MAP2K5: variants seen among roughly 807,000 people sequenced by gnomAD.
The protein encoded by MAP2K5 is dual specificity mitogen-activated protein kinase kinase 5.
A neutral mutation model predicts 83.1 loss-of-function variants in MAP2K5; 49 were observed. The ratio of observed to expected loss-of-function variants is 0.59; its 90% CI spans 0.47 to 0.75. The LOEUF (loss-of-function observed/expected upper bound fraction) is 0.75. MAP2K5 is among the 30% of genes least tolerant of loss of function. The pLI, the probability that MAP2K5 is intolerant of heterozygous loss-of-function variation, is 0.00. For missense variants in MAP2K5, 457 were observed against 557.5 expected (o/e 0.82, Z 1.82); for synonymous variants, 202 against 191.8 (o/e 1.05, Z -0.44).
intron 21 of MAP2K5, among the ~76,000 whole-genome samples, chr15:67,798,167 C>T (rs571093171): frequency 1.3e-5 from 2 of 152,340 alleles, no homozygotes; most frequent in Admixed American, 1.3e-4. Flanking sequence ...GCAGACTCCA[C>T]CTTTCAGGGG....
intron 16 of MAP2K5, 62 bp downstream of exon 16, chr15:67,703,470 A>C (rs942989669): frequency 4.4e-6 from 6 of 1,352,766 alleles, no homozygotes; most frequent in Non-Finnish European, 6.3e-6. Context: ...AATCAGGAAA[A>C]GTGAAGATTT....
intron 17 of MAP2K5, among the ~76,000 whole-genome samples, chr15:67,729,713 G>A (rs1278877399): frequency 1.3e-5 from 2 of 152,038 alleles, no homozygotes; most frequent in East Asian, 1.9e-4. Context: ...GCAGTGAGCC[G>A]AGATCACGCC....
rs2084336707 is a variant in MAP2K5, at chr15:67,543,495, A to C, written c.135+25A>C. On this transcript the variant is annotated intron_variant, in intron 1 of 21. Coordinates refer to ENST00000178640, the MANE Select transcript of MAP2K5 (RefSeq NM_145160.3). The surrounding 1 kb of genome is among the most constrained non-coding windows in gnomAD (Gnocchi z 4.3). Reference sequence around the variant, plus strand: ...GGTGAGTGGTAATCTCAGTGTCCGGATGCCAGCAAGGGGGACTCAGGGACT... The same window carrying C: ...GGTGAGTGGTAATCTCAGTGTCCGGCTGCCAGCAAGGGGGACTCAGGGACT... 1.2e-6 allele frequency: 2 copies of C among 1,613,798 alleles called. No homozygotes were observed.
intron 15 of MAP2K5, among the ~76,000 whole-genome samples, chr15:67,697,248 A>T (rs1332436320): frequency 1.3e-5 from 2 of 152,228 alleles, no homozygotes; most frequent in Non-Finnish European, 2.9e-5. Context: ...TGATAATAAC[A>T]TCAGTAATAA....
At chr15:67,678,919 G>C (rs2087744728) in intron 13 of MAP2K5, among the ~76,000 whole-genome samples, 1 of 140,334 alleles carries the variant, frequency 7.1e-6, no homozygotes, top group African/African-American at 2.6e-5. Flanking sequence ...AGGTGAGATC[G>C]TGCCACTGCA....
chr15:67,745,503 A>G (rs1320228402), intron 17 of MAP2K5, among the ~76,000 whole-genome samples: 3 of 152,242 alleles, frequency 2.0e-5, no homozygotes, highest in Non-Finnish European at 4.4e-5. Context: ...TGCTGTGCCT[A>G]TACAGTAATG....
intron 9 of MAP2K5, among the ~76,000 whole-genome samples, chr15:67,634,822 G>A (rs1191089926): frequency 1.3e-5 from 2 of 151,704 alleles, no homozygotes; most frequent in Admixed American, 6.6e-5. Flanking sequence ...TTTCATGTAG[G>A]CAGCATACAG....
chr15:67,545,990 C>G (rs535507871), intron 1 of MAP2K5, among the ~76,000 whole-genome samples: 3 of 152,314 alleles, frequency 2.0e-5, no homozygotes. Context: ...ACGAGTGGCC[C>G]CACCACTAGA....
chr15:67,613,965 A>C (rs975524605), intron 8 of MAP2K5, among the ~76,000 whole-genome samples: 2 of 152,072 alleles, frequency 1.3e-5, no homozygotes, highest in South Asian at 2.1e-4. Context: ...AGTTAATGCA[A>C]CTCTGAAAAG....
chr15:67,726,923 G>T (rs1225924535), intron 16 of MAP2K5, among the ~76,000 whole-genome samples: 1 of 152,152 alleles, frequency 6.6e-6, no homozygotes, highest in African/African-American at 2.4e-5. Context: ...TTTTGGCCAG[G>T]TTCAATGGCT....
At position 67,782,795 on chromosome 15, in the gene MAP2K5, C is replaced by G. The variant is rs1814839844; in HGVS notation, c.1242+10043C>G. Reference sequence around the variant, plus strand: ...CCTGGAATGCTGGTTTATGCAGGGCCTGTGGCACCAGCTCTGGACTGGAAA... The same window carrying G: ...CCTGGAATGCTGGTTTATGCAGGGCGTGTGGCACCAGCTCTGGACTGGAAA... On this transcript the variant is annotated intron_variant, in intron 21 of 21. Transcript: ENST00000178640. The surrounding 1 kb of genome is among the most constrained non-coding windows in gnomAD (Gnocchi z 4.9). Among the ~76,000 whole-genome samples the G allele has an allele frequency of 2.6e-5, 4 of 152,326 alleles. No individual in the cohort carries two copies. In the South Asian group the frequency reaches 8.3e-4, roughly 32 times the overall value.
intron 15 of MAP2K5, among the ~76,000 whole-genome samples, chr15:67,694,793 T>G (rs2088205751): frequency 1.3e-5 from 2 of 152,022 alleles, no homozygotes; most frequent in African/African-American, 4.8e-5. Flanking sequence ...CATGCTGCTA[T>G]AAAGACACAT....
At chr15:67,614,194 A>C (rs1483462063) in intron 8 of MAP2K5, among the ~76,000 whole-genome samples, 13 of 152,176 alleles carry the variant, frequency 8.5e-5, no homozygotes. Flanking sequence ...CAGTAACCTC[A>C]CCAAGCCTTG....
chr15:67,557,868 G>A (rs371491036), intron 2 of MAP2K5, among the ~76,000 whole-genome samples: 74 of 152,238 alleles, frequency 4.9e-4, no homozygotes, highest in African/African-American at 1.8e-3. Flanking sequence ...TATTGTATAT[G>A]TAAAAATATA....
Position 67,786,018 on chromosome 15 carries a change from GTTT to G in MAP2K5, c.1242+13277_1242+13279del, listed in dbSNP as rs5813456. 1.4e-5 allele frequency among the ~76,000 whole-genome samples: 2 copies of G among 146,858 alleles called. No homozygotes were observed. ...ACAGGGGGCTTTTAGCTGTTAGGTTGTTTTTTTTTTTTTAACTTACAGAAGATG... is the reference window on the plus strand; with the variant it reads ...ACAGGGGGCTTTTAGCTGTTAGGTTGTTTTTTTTTTAACTTACAGAAGATG... On this transcript the variant is annotated intron_variant, in intron 21 of 21. Coordinates refer to ENST00000178640, the MANE Select transcript of MAP2K5 (RefSeq NM_145160.3). The surrounding 1 kb of genome is among the most constrained non-coding windows in gnomAD (Gnocchi z 4.7).
chr15:67,597,537 T>G (rs901361826), intron 7 of MAP2K5, among the ~76,000 whole-genome samples: 1 of 152,246 alleles, frequency 6.6e-6, no homozygotes, highest in Non-Finnish European at 1.5e-5. Context: ...AAATGATACT[T>G]GATCCCAACT....
rs2089939182 is a variant in MAP2K5, at chr15:67,760,972, A to C, written c.1135-8630A>C. Among the ~76,000 whole-genome samples the C allele has an allele frequency of 6.6e-6, 1 of 151,988 alleles. No individual in the cohort carries two copies. Among genetic ancestry groups the C allele is most frequent in the Admixed American group, 6.6e-5 (1 of 15,260 alleles). The stretch of plus-strand genomic sequence containing the variant: ...TTTTGCCGGCTGTTAATTTTCTCTA[A>C]ACCAGGGAAAATGTGTATGTGAGCA... On this transcript the variant is annotated intron_variant, in intron 19 of 21. Coordinates refer to ENST00000178640, the MANE Select transcript of MAP2K5 (RefSeq NM_145160.3). This position sits in a 1 kb window ranked among gnomAD's most constrained non-coding sequence, Gnocchi z 4.1.
In MAP2K5 at chr15:67,758,975, A is replaced by T. The variant is rs2089895900; in HGVS notation, c.1134+10374A>T. 6.6e-6 allele frequency among the ~76,000 whole-genome samples: 1 copy of T among 152,218 alleles called. No individual in the cohort carries two copies. Among genetic ancestry groups the T allele is most frequent in the Non-Finnish European group, 1.5e-5 (1 of 68,034 alleles). On this transcript the variant is annotated intron_variant, in intron 19 of 21. Coordinates refer to ENST00000178640, the MANE Select transcript of MAP2K5 (RefSeq NM_145160.3). This position sits in a 1 kb window ranked among gnomAD's most constrained non-coding sequence, Gnocchi z 4.7. ...GCATACGTGTTTTGCAACTCAGTTC[A>T]GTTTTGCTGTCTATATGAATGACCG...
rs1342031521 is a variant in MAP2K5, at chr15:67,717,403, G to A, written c.1045-10513G>A. Among the ~76,000 whole-genome samples, 1 of 152,202 alleles carries A rather than the reference G, an allele frequency of 6.6e-6. No homozygotes were observed. The highest frequency in any genetic ancestry group is 1.5e-5 in the Non-Finnish European group (1 of 68,040). On this transcript the variant is annotated intron_variant, in intron 16 of 21. Coordinates refer to ENST00000178640, the MANE Select transcript of MAP2K5 (RefSeq NM_145160.3). This position sits in a 1 kb window ranked among gnomAD's most constrained non-coding sequence, Gnocchi z 4.1. The stretch of plus-strand genomic sequence containing the variant: ...GTAAATATTTATCAAGTACTACCCA[G>A]TGTTGGCAGTAAGGGTACATACTTT...
Sources: allele counts gnomAD v4.1 joint callset (sites outside exome capture counted in the v4.1 genomes callset), GRCh38; gene constraint gnomAD v4.1.1; non-coding constraint Gnocchi (gnomAD v3.1); transcripts MANE v1.5; gene names NCBI Gene and HGNC (gene_info 2026-07-23, HGNC 2026-07-21).